GIPC2: variants seen among roughly 807,000 people sequenced by gnomAD.
The protein encoded by GIPC2 is GIPC PDZ domain containing family member 2, also known as PDZ domain-containing protein GIPC2.
Under a neutral mutation model 30.6 loss-of-function variants are expected in GIPC2, and 30 were observed. The observed-to-expected ratio is 0.98, with a 90% confidence interval of 0.73 to 1.33. GIPC2 has a LOEUF of 1.33. Among genes scored for constraint, GIPC2 ranks in the 40% most tolerant of loss-of-function variants. The probability of loss-of-function intolerance (pLI) is 0.00; values close to 1 mark genes in which losing one functional copy is unlikely to be tolerated. For synonymous variants in GIPC2, 167 were observed against 150.0 expected, an observed-to-expected ratio of 1.11 and a Z score of -0.83; for missense variants, 414 against 390.3, an observed-to-expected ratio of 1.06 and a Z score of -0.51.
rs372205128 is a variant in GIPC2, at chr1:78,105,319, A to G, written c.607+10187A>G. On this transcript the variant is annotated intron_variant, in intron 3 of 5. Transcript: ENST00000370759. Reference sequence around the variant, plus strand: ...TTTTTTTTTTTTGAGATGGAGTCTCACTGTGTCACCAGGCTGGAGTGCAGT... The same window carrying G: ...TTTTTTTTTTTTGAGATGGAGTCTCGCTGTGTCACCAGGCTGGAGTGCAGT... Among the ~76,000 whole-genome samples, 292 of 144,688 alleles carry G rather than the reference A, an allele frequency of 2.0e-3. 3 individuals are homozygous for G. The highest frequency in any genetic ancestry group is 6.7e-3 in the African/African-American group (261 of 38,804). The allele number at this position is 144,688 out of a possible 152,430, so 94.9% of individuals were successfully genotyped here. A position where few individuals can be genotyped will look rare whatever the true frequency, so the allele number is the denominator to read the frequency against.
intron 4 of GIPC2, among the ~76,000 whole-genome samples, chr1:78,124,682 T>G (rs1437960649): frequency 6.6e-6 from 1 of 152,170 alleles, no homozygotes; most frequent in Non-Finnish European, 1.5e-5. Context: ...TGAAGTGTCC[T>G]CTCCTGCTTA....
intron 3 of GIPC2, among the ~76,000 whole-genome samples, chr1:78,105,100 C>A (rs2100398710): frequency 6.6e-6 from 1 of 152,068 alleles, no homozygotes; most frequent in Middle Eastern, 3.4e-3. Flanking sequence ...AGGTAGAGAC[C>A]CAGCTGGATA....
chr1:78,053,419 T>C (rs1405579294), intron 1 of GIPC2, among the ~76,000 whole-genome samples: 3 of 152,126 alleles, frequency 2.0e-5, no homozygotes, highest in Admixed American at 6.6e-5. Context: ...TCCTTTGTAA[T>C]GTCTCTTTCT....
intron 1 of GIPC2, among the ~76,000 whole-genome samples, chr1:78,051,201 A>C (rs1401746575): frequency 6.6e-6 from 1 of 152,138 alleles, no homozygotes; most frequent in Non-Finnish European, 1.5e-5. Flanking sequence ...AAAAAAAAGA[A>C]ATGATGTCAT....
chr1:78,049,852 G>A (rs1345052919), intron 1 of GIPC2, among the ~76,000 whole-genome samples: 1 of 150,938 alleles, frequency 6.6e-6, no homozygotes, highest in Non-Finnish European at 1.5e-5. Context: ...GAGATTCTTG[G>A]TAGCTGCATT....
chr1:78,099,473 C>G (rs1222293472), intron 3 of GIPC2, among the ~76,000 whole-genome samples: 2 of 147,128 alleles, frequency 1.4e-5, no homozygotes, highest in Admixed American at 1.4e-4. Context: ...GAGTTTTGCT[C>G]TGTTGCCCGG....
In GIPC2 at chr1:78,138,381, A is replaced by C. The variant is rs966523688; in HGVS notation, c.*2638A>C. On this transcript the variant is annotated 3_prime_UTR_variant, in exon 6 of 6. Coordinates refer to ENST00000370759, the MANE Select transcript of GIPC2 (RefSeq NM_017655.6). Reference sequence around the variant, plus strand: ...TTAACTAAAGAGAGATAATTTTTCAAATGATGTATAATTTGCAATATTTTC... The same window carrying C: ...TTAACTAAAGAGAGATAATTTTTCACATGATGTATAATTTGCAATATTTTC... 6.6e-6 allele frequency: 1 copy of C among 152,264 alleles called. No homozygotes were observed. Among genetic ancestry groups the C allele is most frequent in the Non-Finnish European group, 1.5e-5 (1 of 68,050 alleles). 9.4% of individuals were successfully genotyped at this position (152,264 alleles called of 1,614,324 possible). A position where few individuals can be genotyped will look rare whatever the true frequency, so the allele number is the denominator to read the frequency against.
chr1:78,062,845 C>G (rs1048767990), intron 1 of GIPC2, among the ~76,000 whole-genome samples: 8 of 152,040 alleles, frequency 5.3e-5, no homozygotes, highest in African/African-American at 1.9e-4. Flanking sequence ...TTAACCTATG[C>G]TATCTTAACG....
rs74093224 is a variant in GIPC2, at chr1:78,124,331, A to G, written c.715-1550A>G. Among the ~76,000 whole-genome samples the G allele has an allele frequency of 2.4e-3, 368 of 152,348 alleles. 1 individual carries two copies. The highest frequency in any genetic ancestry group is 8.5e-3 in the African/African-American group (353 of 41,590). On this transcript the variant is annotated intron_variant, in intron 4 of 5. Coordinates refer to ENST00000370759, the MANE Select transcript of GIPC2 (RefSeq NM_017655.6). ...ATGATTTAAAAAGTATTATTTTATC[A>G]TCTCATTCTTATAAAATTTCCTTTT...
intron 3 of GIPC2, among the ~76,000 whole-genome samples, chr1:78,098,275 G>A (rs1662176250): frequency 6.6e-6 from 1 of 152,122 alleles, no homozygotes; most frequent in Non-Finnish European, 1.5e-5. Context: ...TAGAGATGAT[G>A]ACAGCATCCA....
At position 78,135,893 on chromosome 1, in the gene GIPC2, AT is replaced by A; in HGVS notation, c.*154del. On this transcript the variant is annotated 3_prime_UTR_variant, in exon 6 of 6. Transcript: ENST00000370759. ...TATTCTTTGAAATATAATTTTGGTA[AT>A]TTTGATTTCTGGGCACTTTTTAACA... 4 of 604,750 alleles carry A rather than the reference AT, an allele frequency of 6.6e-6. No individual in the cohort carries two copies. In the South Asian group the frequency reaches 1.2e-4, roughly 18 times the overall value. 37.5% of individuals were successfully genotyped at this position (604,750 alleles called of 1,614,324 possible).
intron 1 of GIPC2, among the ~76,000 whole-genome samples, chr1:78,061,399 G>A (rs1661389035): frequency 6.6e-6 from 1 of 152,154 alleles, no homozygotes; most frequent in Admixed American, 6.5e-5. Flanking sequence ...GCTGTTTGGG[G>A]TGTGTGGAGT....
rs895541504 is a variant in GIPC2 at position 78,065,323 on chromosome 1, G to GA, written c.241-15342dup. ...GCAATTTCATTCACAATTACCACAT[G>GA]AAAAAAAAAATACCCAGGAATACGG... On this transcript the variant is annotated intron_variant, in intron 1 of 5. Transcript: ENST00000370759. 5.1e-3 allele frequency among the ~76,000 whole-genome samples: 760 copies of GA among 148,432 alleles called. 6 individuals carry two copies. The highest frequency in any genetic ancestry group is 0.018 in the African/African-American group (712 of 40,572).
At chr1:78,101,104 C>T (rs775500937) in intron 3 of GIPC2, among the ~76,000 whole-genome samples, 1 of 151,884 alleles carries the variant, frequency 6.6e-6, no homozygotes, top group Non-Finnish European at 1.5e-5. Context: ...GATAAAAGGA[C>T]CAAAAACAGA....
At chr1:78,087,949 A>AACAG (rs1221758912) in intron 2 of GIPC2, among the ~76,000 whole-genome samples, 42 of 152,300 alleles carry the variant, frequency 2.8e-4, no homozygotes, top group African/African-American at 8.4e-4. Context: ...AAAGGACATG[A>AACAG]ACACTTTTCA....
At chr1:78,052,378 A>G (rs1253323705) in intron 1 of GIPC2, among the ~76,000 whole-genome samples, 1 of 152,228 alleles carries the variant, frequency 6.6e-6, no homozygotes, top group Non-Finnish European at 1.5e-5. Flanking sequence ...TGTGGCCCTC[A>G]AGGGCCTAGA....
intron 1 of GIPC2, among the ~76,000 whole-genome samples, chr1:78,049,508 G>A (rs546775851): frequency 1.3e-5 from 2 of 152,132 alleles, no homozygotes; most frequent in African/African-American, 2.4e-5. Flanking sequence ...CCCCTTAATG[G>A]GATTGAATAG....
In GIPC2 at chr1:78,136,423, T is replaced by C. The variant is rs1030577447; in HGVS notation, c.*680T>C. On this transcript the variant is annotated 3_prime_UTR_variant, in exon 6 of 6. Coordinates refer to ENST00000370759, the MANE Select transcript of GIPC2 (RefSeq NM_017655.6). ...TGTCTCTGCATGTGTAAAAGAAGGG[T>C]AAAAAAGAGATGGGTAGGGTAGAAC... 1.3e-5 allele frequency: 2 copies of C among 152,214 alleles called. No homozygotes were observed. Among genetic ancestry groups the C allele is most frequent in the African/African-American group, 4.8e-5 (2 of 41,424 alleles). 9.4% of individuals were successfully genotyped at this position (152,214 alleles called of 1,614,324 possible). A position where few individuals can be genotyped will look rare whatever the true frequency, so the allele number is the denominator to read the frequency against.
intron 3 of GIPC2, among the ~76,000 whole-genome samples, chr1:78,111,137 C>T (rs1417419616): frequency 6.6e-6 from 1 of 152,140 alleles, no homozygotes; most frequent in African/African-American, 2.4e-5. Flanking sequence ...TAGCTGAGTT[C>T]ACCCTGCATG....
Sources: gnomAD v4.1 joint callset for allele counts (sites outside exome capture counted in the v4.1 genomes callset) on GRCh38, gnomAD v4.1.1 for gene constraint, MANE v1.5 for transcripts, NCBI Gene and HGNC (gene_info 2026-07-23, HGNC 2026-07-21) for gene names.